Variants in SLC8A1 observed in about 807,000 individuals in gnomAD.
SLC8A1 encodes the protein sodium/calcium exchanger 1.
SLC8A1 carries 18 observed loss-of-function variants against 68.3 expected under a neutral mutation model. That is an observed-to-expected ratio of 0.26 (90% CI 0.18 to 0.39). SLC8A1 has a LOEUF of 0.39. SLC8A1 is among the 10% of genes least tolerant of loss of function. The pLI, the probability that SLC8A1 is intolerant of heterozygous loss-of-function variation, is 1.00. For synonymous variants in SLC8A1, 475 were observed against 415.5 expected, an observed-to-expected ratio of 1.14 and a Z score of -1.74; for missense variants, 985 against 1,156.7, an observed-to-expected ratio of 0.85 and a Z score of 2.15.
chr2:40,138,975 T>C (rs2041055077), intron 7 of SLC8A1, among the ~76,000 whole-genome samples: 2 of 152,204 alleles, frequency 1.3e-5, no homozygotes. Context: ...GTAAGTACGT[T>C]TTCCTAGTTA....
intron 6 of SLC8A1, among the ~76,000 whole-genome samples, chr2:40,148,462 C>T (rs1363948840): frequency 2.0e-5 from 3 of 152,172 alleles, no homozygotes; most frequent in Non-Finnish European, 2.9e-5. Context: ...TGAAAGTTGA[C>T]GTTTGAGCAA....
chr2:40,409,567 C>G (rs1437572346), intron 2 of SLC8A1, among the ~76,000 whole-genome samples: 1 of 152,164 alleles, frequency 6.6e-6, no homozygotes, highest in Non-Finnish European at 1.5e-5. Flanking sequence ...CTTGAGAATA[C>G]TCTAATTCTT....
rs1220156523 is a variant in SLC8A1 at position 40,361,922 on chromosome 2, A to G, written c.1808+66551T>C. 4.8e-5 allele frequency among the ~76,000 whole-genome samples: 3 copies of G among 62,380 alleles called. No individual in the cohort carries two copies. The Admixed American group carries it at 8.3e-4, about 17-fold the overall frequency. The allele number at this position is 62,380 out of a possible 152,430, so 40.9% of individuals were successfully genotyped here. On this transcript the variant is annotated intron_variant, in intron 2 of 7. Coordinates refer to ENST00000406785, the Ensembl canonical transcript of SLC8A1. ...TTTTTTTTTTTTTTTTTTTTTGGAGACAGAGTCTTGCTCTGTTTCCCAGGC... is the reference window on the plus strand; with the variant it reads ...TTTTTTTTTTTTTTTTTTTTTGGAGGCAGAGTCTTGCTCTGTTTCCCAGGC...
chr2:40,400,196 G>A (rs1257185913), intron 2 of SLC8A1, among the ~76,000 whole-genome samples: 6 of 152,228 alleles, frequency 3.9e-5, no homozygotes, highest in African/African-American at 4.8e-5. Flanking sequence ...CGATGCCCCC[G>A]GCCGAATAAA....
At chr2:40,148,093 A>C (rs1490882164) in intron 6 of SLC8A1, among the ~76,000 whole-genome samples, 2 of 152,170 alleles carry the variant, frequency 1.3e-5, no homozygotes, top group Non-Finnish European at 2.9e-5. Flanking sequence ...ATGTAAGCTC[A>C]CTTAGCATTG....
intron 2 of SLC8A1, among the ~76,000 whole-genome samples, chr2:40,316,972 A>G (rs1341519292): frequency 2.0e-5 from 3 of 151,974 alleles, no homozygotes; most frequent in Non-Finnish European, 4.4e-5. Flanking sequence ...CCTCCACTCA[A>G]ATAACACTCC....
exon 8 of SLC8A1, chr2:40,107,649 G>T (rs925753011): frequency 6.6e-6 from 1 of 152,146 alleles, no homozygotes; most frequent in Non-Finnish European, 1.5e-5. Flanking sequence ...AAAAAGGGGG[G>T]AGGTCAGGAA....
At chr2:40,335,695 T>A (rs903295165) in intron 2 of SLC8A1, among the ~76,000 whole-genome samples, 24 of 152,262 alleles carry the variant, frequency 1.6e-4, no homozygotes, top group Non-Finnish European at 2.8e-4. Context: ...AACAGCCCTT[T>A]GCTACAAACT....
intron 2 of SLC8A1, among the ~76,000 whole-genome samples, chr2:40,273,763 C>G (rs2066341127): frequency 6.6e-6 from 1 of 152,068 alleles, no homozygotes; most frequent in Non-Finnish European, 1.5e-5. Context: ...GGCTTAATGC[C>G]TCAGATAGAG....
intron 2 of SLC8A1, among the ~76,000 whole-genome samples, chr2:40,256,189 T>A (rs141991324): frequency 2.6e-5 from 4 of 152,198 alleles, no homozygotes; most frequent in African/African-American, 9.7e-5. Flanking sequence ...TCCGGTGATA[T>A]TGGACCTTCC....
chr2:40,481,489 C>T (rs1014571531), intron 1 of SLC8A1, among the ~76,000 whole-genome samples: 1 of 152,158 alleles, frequency 6.6e-6, no homozygotes, highest in Non-Finnish European at 1.5e-5. Context: ...TCTTACAGAA[C>T]TGTTGTAAGA....
intron 2 of SLC8A1, among the ~76,000 whole-genome samples, chr2:40,407,221 G>A (rs1049818392): frequency 2.0e-5 from 3 of 151,960 alleles, no homozygotes; most frequent in African/African-American, 4.8e-5. Context: ...GCCCACCACC[G>A]GGCATGGCTA....
At chr2:40,422,967 G>A (rs559690726) in intron 2 of SLC8A1, among the ~76,000 whole-genome samples, 1 of 152,218 alleles carries the variant, frequency 6.6e-6, no homozygotes, top group African/African-American at 2.4e-5. Context: ...AATATCACAT[G>A]TATGAAAAGC....
At chr2:40,181,506 A>C (rs2049558126) in intron 2 of SLC8A1, among the ~76,000 whole-genome samples, 1 of 152,250 alleles carries the variant, frequency 6.6e-6, no homozygotes, top group South Asian at 2.1e-4. Context: ...TGGAATTTGC[A>C]TAATGGCATA....
intron 2 of SLC8A1, among the ~76,000 whole-genome samples, chr2:40,223,123 C>T (rs1043612874): frequency 1.6e-4 from 24 of 152,126 alleles, no homozygotes; most frequent in Admixed American, 1.4e-3. Context: ...ACCCAAATGC[C>T]CATCAATGAT....
intron 2 of SLC8A1, among the ~76,000 whole-genome samples, chr2:40,419,166 T>G (rs1694765498): frequency 6.6e-6 from 1 of 152,240 alleles, no homozygotes; most frequent in African/African-American, 2.4e-5. Context: ...ATGGGATTGA[T>G]GCTCATAGAA....
intron 1 of SLC8A1, among the ~76,000 whole-genome samples, chr2:40,449,689 G>C (rs1702086023): frequency 6.6e-6 from 1 of 151,928 alleles, no homozygotes; most frequent in South Asian, 2.1e-4. Context: ...TAAAGACATA[G>C]GTAGATAGAT....
intron 2 of SLC8A1, among the ~76,000 whole-genome samples, chr2:40,312,978 A>C (rs897378706): frequency 3.3e-5 from 5 of 152,074 alleles, no homozygotes; most frequent in African/African-American, 4.8e-5. Context: ...GTGTGTATAA[A>C]ATATATGTAT....
At chr2:40,353,519 C>T (rs55773267) in intron 2 of SLC8A1, among the ~76,000 whole-genome samples, 2,478 of 152,072 alleles carry the variant, frequency 0.016, 79 homozygotes, top group African/African-American at 0.056. Flanking sequence ...TACAACATCG[C>T]TAACATCAAG....
Sources: allele counts gnomAD v4.1 joint callset (sites outside exome capture counted in the v4.1 genomes callset), GRCh38; gene constraint gnomAD v4.1.1; transcripts MANE v1.5; gene names NCBI Gene and HGNC (gene_info 2026-07-23, HGNC 2026-07-21).